SESTD1: variants seen among roughly 807,000 people sequenced by gnomAD.
The protein encoded by SESTD1 is SEC14 domain and spectrin repeat-containing protein 1.
A neutral mutation model predicts 101.7 loss-of-function variants in SESTD1; 43 were observed. That is an observed-to-expected ratio of 0.42 (90% CI 0.33 to 0.55). SESTD1 has a LOEUF of 0.55. Among genes scored for constraint, SESTD1 ranks in the 20% least tolerant of loss-of-function variants. SESTD1 has a pLI of 0.07. For missense variants in SESTD1, 647 were observed against 815.1 expected, an observed-to-expected ratio of 0.79 and a Z score of 2.51; for synonymous variants, 283 against 286.8, an observed-to-expected ratio of 0.99 and a Z score of 0.13.
At chr2:179,190,757 C>T (rs1006314673) in intron 2 of SESTD1, among the ~76,000 whole-genome samples, 1 of 151,986 alleles carries the variant, frequency 6.6e-6, no homozygotes, top group African/African-American at 2.4e-5. Context: ...AAAGAAGACA[C>T]ACAAGTGGCC....
intron 10 of SESTD1, among the ~76,000 whole-genome samples, chr2:179,126,851 C>G (rs1439313723): frequency 6.6e-6 from 1 of 152,090 alleles, no homozygotes; most frequent in Non-Finnish European, 1.5e-5. Context: ...AGGCCAAAAG[C>G]CTGATTCTTT....
intron 3 of SESTD1, among the ~76,000 whole-genome samples, chr2:179,181,877 A>T (rs1476087957): frequency 6.6e-6 from 1 of 152,176 alleles, no homozygotes; most frequent in Non-Finnish European, 1.5e-5. Context: ...ATTACTGCTA[A>T]TGCAATTAGC....
intron 4 of SESTD1, among the ~76,000 whole-genome samples, chr2:179,175,875 G>A (rs1208713920): frequency 1.3e-5 from 2 of 152,166 alleles, no homozygotes; most frequent in East Asian, 1.9e-4. Flanking sequence ...GTTTGTAATC[G>A]TAGATGTTTA....
chr2:179,205,213 C>A (rs1287213626), intron 1 of SESTD1, among the ~76,000 whole-genome samples: 1 of 119,518 alleles, frequency 8.4e-6, no homozygotes, highest in African/African-American at 3.7e-5. Context: ...TTTTTTTTTA[C>A]TCTGTTGCCA....
intron 6 of SESTD1, among the ~76,000 whole-genome samples, chr2:179,150,963 T>A (rs1047227978): frequency 6.6e-6 from 1 of 152,250 alleles, no homozygotes; most frequent in Non-Finnish European, 1.5e-5. Context: ...AAATGCTTTA[T>A]ATGTATATTC....
At chr2:179,162,052 T>A (rs2045746218) in intron 5 of SESTD1, among the ~76,000 whole-genome samples, 1 of 152,184 alleles carries the variant, frequency 6.6e-6, no homozygotes, top group Non-Finnish European at 1.5e-5. Flanking sequence ...ATCCTTATTC[T>A]CCTTAAGTTG....
intron 8 of SESTD1, among the ~76,000 whole-genome samples, chr2:179,144,915 TAA>T (rs754078967): frequency 2.6e-5 from 4 of 151,974 alleles, no homozygotes; most frequent in Non-Finnish European, 5.9e-5. Flanking sequence ...TATATGGAAT[TAA>T]GTTTTAAATC....
At chr2:179,144,109 A>G (rs183042019) in intron 8 of SESTD1, among the ~76,000 whole-genome samples, 30 of 148,518 alleles carry the variant, frequency 2.0e-4, no homozygotes, top group African/African-American at 7.2e-4. Context: ...TATGGCATAC[A>G]TACGGTTTAT....
chr2:179,118,226 A>C lies in SESTD1; in HGVS notation c.1443-613T>G, dbSNP rs369550137. Among the ~76,000 whole-genome samples the C allele has an allele frequency of 1.4e-3, 215 of 152,308 alleles. 1 individual carries two copies. Among genetic ancestry groups the C allele is most frequent in the African/African-American group, 5.1e-3 (210 of 41,574 alleles). On this transcript the variant is annotated intron_variant, in intron 13 of 17. Coordinates refer to ENST00000428443, the MANE Select transcript of SESTD1 (RefSeq NM_178123.5). ...ATTTTTTTTAAAACCCTCCATCTACATTCTTAAAAACTAGATGGAGGGCTT... is the reference window on the plus strand; with the variant it reads ...ATTTTTTTTAAAACCCTCCATCTACCTTCTTAAAAACTAGATGGAGGGCTT...
At chr2:179,151,230 T>C in intron 6 of SESTD1, 48 bp downstream of exon 6, 1 of 1,246,626 alleles carries the variant, frequency 8.0e-7, no homozygotes, top group Non-Finnish European at 1.1e-6. Flanking sequence ...TATCAAAATA[T>C]ATCTTATTTC....
intron 1 of SESTD1, among the ~76,000 whole-genome samples, chr2:179,202,468 T>C (rs2046531816): frequency 7.4e-6 from 1 of 134,870 alleles, no homozygotes; most frequent in South Asian, 2.8e-4. Flanking sequence ...CCTTGGCTTT[T>C]CTTGATATGT....
chr2:179,253,650 C>T (rs1025942770), intron 1 of SESTD1, among the ~76,000 whole-genome samples: 1 of 152,004 alleles, frequency 6.6e-6, no homozygotes, highest in South Asian at 2.1e-4. Flanking sequence ...ACTGAAGTAT[C>T]GTTTGTATAA....
rs1282508900 is a variant in SESTD1 at position 179,104,704 on chromosome 2, A to C, written c.*5195T>G. ...AAAATCCCTAATAACACTGCTCCTG[A>C]TAAGTAGCAGTTGATAACTACTTTC... is the stretch of plus-strand genomic sequence containing the variant. On this transcript the variant is annotated 3_prime_UTR_variant, in exon 18 of 18. Transcript: ENST00000428443. 6.6e-6 allele frequency: 1 copy of C among 152,134 alleles called. No homozygotes were observed. The highest frequency in any genetic ancestry group is 1.9e-4 in the East Asian group (1 of 5,206). The allele number at this position is 152,134 out of a possible 1,614,324, so 9.4% of individuals were successfully genotyped here. A position where few individuals can be genotyped will look rare whatever the true frequency, so the allele number is the denominator to read the frequency against.
In SESTD1 at chr2:179,110,016, A is replaced by G. The variant is rs1261480163; in HGVS notation, c.1974T>C (p.Tyr658=). 6.2e-7 allele frequency: 1 copy of G among 1,613,770 alleles called. No homozygotes were observed. Among genetic ancestry groups the G allele is most frequent in the South Asian group, 1.1e-5 (1 of 91,050 alleles). Residue 658 remains tyrosine, a synonymous_variant, in exon 18 of 18, where the codon TAT becomes TAC. Transcript: ENST00000428443. ...PVVYPDGTEQ[Y]FGSPSDMAST... ...AAGCCATGTCACTTGGACTCCCAAA[A>G]TATTGTTCGGTTCTAAAAATCAAAA... is the stretch of plus-strand genomic sequence containing the variant.
intron 13 of SESTD1, among the ~76,000 whole-genome samples, chr2:179,121,160 A>C (rs2044741215): frequency 6.6e-6 from 1 of 152,206 alleles, no homozygotes; most frequent in Non-Finnish European, 1.5e-5. Context: ...ATGATCATAA[A>C]ATTTTTAAGT....
At chr2:179,218,962 C>T (rs1390176357) in intron 1 of SESTD1, among the ~76,000 whole-genome samples, 1 of 152,168 alleles carries the variant, frequency 6.6e-6, no homozygotes, top group Non-Finnish European at 1.5e-5. Flanking sequence ...TAAAGCAAAA[C>T]ACTTACTCTA....
intron 1 of SESTD1, among the ~76,000 whole-genome samples, chr2:179,220,148 T>C (rs1200971413): frequency 6.6e-6 from 1 of 152,068 alleles, no homozygotes; most frequent in Admixed American, 6.6e-5. Flanking sequence ...TAAAAACCCT[T>C]TTCAAAAACT....
intron 1 of SESTD1, among the ~76,000 whole-genome samples, chr2:179,251,340 C>T (rs1156461090): frequency 6.6e-6 from 1 of 152,128 alleles, no homozygotes; most frequent in Non-Finnish European, 1.5e-5. Flanking sequence ...GGGAAACTTA[C>T]CCGAAACCTC....
intron 1 of SESTD1, among the ~76,000 whole-genome samples, chr2:179,252,535 A>AC (rs1341824899): frequency 6.6e-6 from 1 of 152,194 alleles, no homozygotes; most frequent in Non-Finnish European, 1.5e-5. Flanking sequence ...TCAGGAGTCC[A>AC]CCATCTTCCA....
Sources: allele counts gnomAD v4.1 joint callset (sites outside exome capture counted in the v4.1 genomes callset), GRCh38; gene constraint gnomAD v4.1.1; transcripts MANE v1.5; gene names NCBI Gene and HGNC (gene_info 2026-07-23, HGNC 2026-07-21).